Variants in ITGB8 observed in about 807,000 individuals in gnomAD.
ITGB8 encodes the protein integrin subunit beta 8.
A neutral mutation model predicts 89.5 loss-of-function variants in ITGB8; 30 were observed. The ratio of observed to expected loss-of-function variants is 0.34; its 90% confidence interval spans 0.25 to 0.45. ITGB8 has a LOEUF of 0.45. Ranked by LOEUF, ITGB8 falls within the 20% of genes least tolerant of loss-of-function variation. ITGB8 has a pLI of 1.00. For synonymous variants in ITGB8, 335 were observed against 320.4 expected (o/e 1.05, Z -0.49); for missense variants, 836 against 933.3 (o/e 0.90, Z 1.36).
rs1293077101 is a variant in ITGB8 at position 20,386,717 on chromosome 7, A to C, written c.961-4686A>C. On this transcript the variant is annotated intron_variant, in intron 6 of 13. Coordinates refer to ENST00000222573, the MANE Select transcript of ITGB8 (RefSeq NM_002214.3). ...GTAGAAATCACCTGTGCCAGACTCA[A>C]AGTAGCCTGGCTCTGCTTGTGTAAT... Among the ~76,000 whole-genome samples, 3 of 152,150 alleles carry C rather than the reference A, an allele frequency of 2.0e-5. No homozygotes were observed. The East Asian group carries it at 5.8e-4, about 29-fold the overall frequency.
intron 1 of ITGB8, among the ~76,000 whole-genome samples, chr7:20,358,396 A>G (rs1785373889): frequency 6.6e-6 from 1 of 152,104 alleles, no homozygotes; most frequent in Non-Finnish European, 1.5e-5. Flanking sequence ...TCCAGATGAT[A>G]AAAATATTAG....
intron 3 of ITGB8, among the ~76,000 whole-genome samples, chr7:20,377,693 T>C (rs905699722): frequency 1.3e-5 from 2 of 152,230 alleles, no homozygotes; most frequent in Non-Finnish European, 2.9e-5. Flanking sequence ...GGGCCATGTG[T>C]GCCCTATTTC....
rs537510107 is a variant in ITGB8, at chr7:20,415,117, G to A, written c.*5120G>A. On this transcript the variant is annotated 3_prime_UTR_variant, in exon 14 of 14. Coordinates refer to ENST00000222573, the MANE Select transcript of ITGB8 (RefSeq NM_002214.3). ...AGAAGTCTACGCAATGACAAGTATGGTACATAAATTTTATTAAGAATATTG... is the reference window on the plus strand; with the variant it reads ...AGAAGTCTACGCAATGACAAGTATGATACATAAATTTTATTAAGAATATTG... The A allele has an allele frequency of 6.6e-6, 1 of 152,482 alleles. No individual in the cohort carries two copies. Among genetic ancestry groups the A allele is most frequent in the Admixed American group, 6.5e-5 (1 of 15,276 alleles). 9.4% of individuals were successfully genotyped at this position (152,482 alleles called of 1,614,324 possible). A position where few individuals can be genotyped will look rare whatever the true frequency, so the allele number is the denominator to read the frequency against.
intron 3 of ITGB8, among the ~76,000 whole-genome samples, chr7:20,376,116 C>T (rs936327165): frequency 6.6e-6 from 1 of 152,064 alleles, no homozygotes; most frequent in Admixed American, 6.5e-5. Flanking sequence ...TGGATATTGC[C>T]ATTAAGCACG....
At chr7:20,373,040 T>C (rs1157456315) in intron 3 of ITGB8, among the ~76,000 whole-genome samples, 1 of 152,166 alleles carries the variant, frequency 6.6e-6, no homozygotes, top group East Asian at 1.9e-4. Flanking sequence ...CATACCTAAG[T>C]GGAAAATGCA....
At chr7:20,337,552 A>G (rs918709941) in intron 1 of ITGB8, among the ~76,000 whole-genome samples, 1 of 152,228 alleles carries the variant, frequency 6.6e-6, no homozygotes, top group African/African-American at 2.4e-5. Flanking sequence ...CAACCCTGTT[A>G]GTTATATACT....
chr7:20,391,286 C>A, intron 6 of ITGB8, 117 bp from the exon 7 acceptor site: 3 of 462,704 alleles, frequency 6.5e-6, no homozygotes, highest in South Asian at 1.4e-4. Context: ...TCAGTAAAAC[C>A]ATAGTCCTTC....
At position 20,353,917 on chromosome 7, in the gene ITGB8, G is replaced by C. The variant is rs568883359; in HGVS notation, c.128-9720G>C. Among the ~76,000 whole-genome samples the C allele has an allele frequency of 1.7e-4, 18 of 104,316 alleles. No individual in the cohort carries two copies. The East Asian group carries it at 3.8e-3, about 22-fold the overall frequency. 68.4% of individuals were successfully genotyped at this position (104,316 alleles called of 152,430 possible). A position where few individuals can be genotyped will look rare whatever the true frequency, so the allele number is the denominator to read the frequency against. ...ACTGCACTCCAGCCTGGGCGACAGA[G>C]CGAGACTCCGTCTCAAAAAAAAAAA... On this transcript the variant is annotated intron_variant, in intron 1 of 13. Coordinates refer to ENST00000222573, the MANE Select transcript of ITGB8 (RefSeq NM_002214.3).
intron 3 of ITGB8, among the ~76,000 whole-genome samples, chr7:20,369,414 C>T (rs1314436697): frequency 2.0e-5 from 3 of 152,130 alleles, no homozygotes; most frequent in South Asian, 4.1e-4. Flanking sequence ...TACGTCCACA[C>T]AGGGCAGAGA....
chr7:20,337,115 C>T (rs1027565708), intron 1 of ITGB8, among the ~76,000 whole-genome samples: 1 of 152,126 alleles, frequency 6.6e-6, no homozygotes, highest in African/African-American at 2.4e-5. Flanking sequence ...CAAAGTCTGT[C>T]TTGTTTTCAA....
At chr7:20,398,839 T>C in intron 8 of ITGB8, 21 bp from the exon 9 acceptor site, 1 of 1,516,078 alleles carries the variant, frequency 6.6e-7, no homozygotes, top group Non-Finnish European at 8.8e-7. Context: ...CGTATGTAAT[T>C]TAAAAATAAT....
chr7:20,353,951 A>AG (rs1318413100), intron 1 of ITGB8, among the ~76,000 whole-genome samples: 2 of 146,018 alleles, frequency 1.4e-5, no homozygotes, highest in Non-Finnish European at 3.0e-5. Flanking sequence ...AAAAAAAAAA[A>AG]AAAAAGAAAA....
At chr7:20,375,595 T>A (rs1158766716) in intron 3 of ITGB8, among the ~76,000 whole-genome samples, 2 of 152,222 alleles carry the variant, frequency 1.3e-5, no homozygotes, top group Admixed American at 6.5e-5. Context: ...TTTCTGAGAC[T>A]GGCAAAGAAA....
chr7:20,413,440 A>T lies in ITGB8; in HGVS notation c.*3443A>T, dbSNP rs185568292. 4 of 152,684 alleles carry T rather than the reference A, an allele frequency of 2.6e-5. No individual in the cohort carries two copies. In the East Asian group the frequency reaches 7.7e-4, roughly 29 times the overall value. 9.5% of individuals were successfully genotyped at this position (152,684 alleles called of 1,614,324 possible). On this transcript the variant is annotated 3_prime_UTR_variant, in exon 14 of 14. Transcript: ENST00000222573. ...CCATCAGACACTGAAATATATTATG[A>T]TAGATTATGAAGAATTTTCTCTGTA...
chr7:20,334,042 AC>A (rs1352091726), intron 1 of ITGB8, among the ~76,000 whole-genome samples: 4 of 152,162 alleles, frequency 2.6e-5, no homozygotes, highest in Non-Finnish European at 5.9e-5. Context: ...TACAAAAGAG[AC>A]CAGAAGCTGC....
intron 11 of ITGB8, among the ~76,000 whole-genome samples, chr7:20,405,511 G>A (rs1425375604): frequency 3.3e-5 from 5 of 150,912 alleles, no homozygotes; most frequent in African/African-American, 4.9e-5. Flanking sequence ...GTAGAGACGG[G>A]GTTTCACCGT....
At chr7:20,400,136 C>T (rs562647490) in intron 9 of ITGB8, among the ~76,000 whole-genome samples, 3 of 152,118 alleles carry the variant, frequency 2.0e-5, no homozygotes, top group African/African-American at 4.8e-5. Context: ...TATGAAAAAA[C>T]GCTTACTGTC....
chr7:20,406,238 C>T, intron 12 of ITGB8, 67 bp downstream of exon 12: 2 of 1,000,466 alleles, frequency 2.0e-6, no homozygotes, highest in African/African-American at 1.6e-5. Flanking sequence ...CCCCAAAAGA[C>T]CCATAATTAA....
At chr7:20,382,005 G>T in intron 6 of ITGB8, 120 bp downstream of exon 6, 1 of 786,650 alleles carries the variant, frequency 1.3e-6, no homozygotes, top group Non-Finnish European at 2.0e-6. Flanking sequence ...ACAGAACAAG[G>T]ATAAGCCATG....
Sources: allele counts gnomAD v4.1 joint callset (sites outside exome capture counted in the v4.1 genomes callset), GRCh38; gene constraint gnomAD v4.1.1; transcripts MANE v1.5; gene names NCBI Gene and HGNC (gene_info 2026-07-23, HGNC 2026-07-21).